Variants in MEGF6 observed in about 807,000 individuals in gnomAD.
MEGF6 encodes the protein multiple epidermal growth factor-like domains protein 6.
MEGF6 carries 184 observed loss-of-function variants against 207.1 expected under a neutral mutation model. The observed-to-expected ratio is 0.89, with a 90% CI of 0.79 to 1.00. The LOEUF (loss-of-function observed/expected upper bound fraction) is 1.00, where lower values mean the gene tolerates loss of function less well. Among genes scored for constraint, MEGF6 ranks in the 50% least tolerant of loss-of-function variants. The pLI is 0.00. For synonymous variants in MEGF6, 1,038 were observed against 910.0 expected, an observed-to-expected ratio of 1.14 and a Z score of -2.53; for missense variants, 2,282 against 2,202.9, an observed-to-expected ratio of 1.04 and a Z score of -0.72.
At position 3,506,092 on chromosome 1, in the gene MEGF6, G is replaced by A. The variant is rs1641105384; in HGVS notation, c.1918+16C>T. The A allele has an allele frequency of 6.3e-7, 1 of 1,580,632 alleles. No homozygotes were observed. The highest frequency in any genetic ancestry group is 8.6e-7 in the Non-Finnish European group (1 of 1,163,346). Reference sequence around the variant, plus strand: ...CTGCCACCACCATGGACACTGGAAGGGGCAGTGAGACTCACTGAGGTGGCA... The same window carrying A: ...CTGCCACCACCATGGACACTGGAAGAGGCAGTGAGACTCACTGAGGTGGCA... On this transcript the variant is annotated intron_variant, in intron 15 of 36. Coordinates refer to ENST00000356575, the MANE Select transcript of MEGF6 (RefSeq NM_001409.4).
intron 3 of MEGF6, among the ~76,000 whole-genome samples, chr1:3,581,122 A>G (rs1643787296): frequency 6.6e-6 from 1 of 152,114 alleles, no homozygotes; most frequent in Admixed American, 6.5e-5. Flanking sequence ...GTGAGCCATG[A>G]CCGGCTCGGG....
At chr1:3,503,215 C>T (rs544812658) in intron 17 of MEGF6, among the ~76,000 whole-genome samples, 81 of 152,292 alleles carry the variant, frequency 5.3e-4, no homozygotes, top group African/African-American at 1.8e-3. Context: ...GACACAGGCA[C>T]GTCCCTGGGA....
At position 3,492,700 on chromosome 1, in the gene MEGF6, G is replaced by C. The variant is rs781576350; in HGVS notation, c.4455C>G (p.Cys1485Trp). The stretch of plus-strand genomic sequence containing the variant: ...AGTGACACTGCCCACTGACAGGGTC[G>C]CAGTCAGCCCCACCCCCGCAGTCAC... ...LHCDCGGGAD[C>W]DPVSGQCHCV... Residue 1485 changes from cysteine (C) to tryptophan (W), a missense_variant, in exon 35 of 37, where the codon TGC becomes TGG. Coordinates refer to ENST00000356575, the MANE Select transcript of MEGF6 (RefSeq NM_001409.4). 6.2e-7 allele frequency: 1 copy of C among 1,612,630 alleles called. No individual in the cohort carries two copies. Among genetic ancestry groups the C allele is most frequent in the South Asian group, 1.1e-5 (1 of 91,086 alleles).
At chr1:3,607,294 C>A (rs1053340235) in intron 1 of MEGF6, among the ~76,000 whole-genome samples, 2 of 152,066 alleles carry the variant, frequency 1.3e-5, no homozygotes, top group South Asian at 4.1e-4. Context: ...GGCCCCTGCC[C>A]GCCTGGTGCG....
At chr1:3,492,877 T>C in intron 34 of MEGF6, 110 bp from the exon 35 acceptor site, 1 of 1,458,902 alleles carries the variant, frequency 6.9e-7, no homozygotes, top group Non-Finnish European at 9.2e-7. Flanking sequence ...AGTGAAGCCT[T>C]CTGCCTGGGT....
chr1:3,526,435 T>C (rs1641966226), intron 4 of MEGF6, among the ~76,000 whole-genome samples: 1 of 149,074 alleles, frequency 6.7e-6, no homozygotes, highest in Admixed American at 6.7e-5. Context: ...TCTCGCTCTG[T>C]CGCCCAGGCT....
intron 17 of MEGF6, 104 bp downstream of exon 17, chr1:3,505,104 G>T: frequency 6.8e-7 from 1 of 1,476,736 alleles, no homozygotes; most frequent in Non-Finnish European, 9.1e-7. Flanking sequence ...AAAGGGGGCC[G>T]ATAGTGACAG....
At chr1:3,531,816 C>A (rs1040195546) in intron 4 of MEGF6, among the ~76,000 whole-genome samples, 4 of 120,120 alleles carry the variant, frequency 3.3e-5, no homozygotes, top group Non-Finnish European at 7.2e-5. Context: ...GGCCGCGGGG[C>A]GGGGGAGGGG....
chr1:3,598,715 G>GCC (rs57753742), intron 2 of MEGF6, among the ~76,000 whole-genome samples: 3 of 124,520 alleles, frequency 2.4e-5, no homozygotes, highest in Admixed American at 7.9e-5. Context: ...ATGGTAACGA[G>GCC]CCCCCCCCCC....
intron 4 of MEGF6, among the ~76,000 whole-genome samples, chr1:3,557,649 C>T (rs772115348): frequency 2.6e-5 from 4 of 152,356 alleles, no homozygotes; most frequent in African/African-American, 7.2e-5. Flanking sequence ...GCTCATCCCT[C>T]GCTCACTCCC....
At chr1:3,491,126 G>A (rs1640341638) in intron 35 of MEGF6, among the ~76,000 whole-genome samples, 167 bp from the exon 36 acceptor site, 2 of 122,872 alleles carry the variant, frequency 1.6e-5, no homozygotes, top group Admixed American at 1.5e-4. Context: ...GGGGGCGGGA[G>A]CTGGGGGGGG....
At chr1:3,520,232 G>C (rs1641693393) in intron 5 of MEGF6, among the ~76,000 whole-genome samples, 2 of 152,230 alleles carry the variant, frequency 1.3e-5, no homozygotes, top group Admixed American at 1.3e-4. Context: ...CTAGGGTCCA[G>C]AGTCAGCCAG....
rs1226692932 is a variant in MEGF6 at position 3,499,834 on chromosome 1, G to A, written c.2798C>T (p.Thr933Ile). 10 of 1,553,782 alleles carry A rather than the reference G, an allele frequency of 6.4e-6. No homozygotes were observed. Among genetic ancestry groups the A allele is most frequent in the Non-Finnish European group, 8.7e-6 (10 of 1,149,512 alleles). ...AACDHVSGAC[T>I]CPAGWRGTFC... ...GGTGCCCCTCCAGCCGGCCGGGCAG[G>A]TGCAGGCCCCGCTGACGTGGTCACA... The change falls in exon 22 of 37, where the codon ACC (threonine) becomes ATC (isoleucine). Residue 933 changes from threonine to isoleucine, a missense_variant. Physicochemically the swap from Thr to Ile is moderately conservative, Grantham distance 89 (BLOSUM62 -1). Coordinates refer to ENST00000356575, the MANE Select transcript of MEGF6 (RefSeq NM_001409.4).
At chr1:3,612,730 GA>G (rs1023267284), upstream of MEGF6, among the ~76,000 whole-genome samples, 33 of 143,856 alleles carry the variant, frequency 2.3e-4, no homozygotes, top group African/African-American at 7.5e-4. Flanking sequence ...GGGAGCACTG[GA>G]GGGAGCCCTG....
Position 3,501,894 on chromosome 1 carries a change from T to G in MEGF6, c.2216A>C (p.Asn739Thr). 1 of 1,602,856 alleles carries G rather than the reference T, an allele frequency of 6.2e-7. No homozygotes were observed. The highest frequency in any genetic ancestry group is 8.5e-7 in the Non-Finnish European group (1 of 1,175,468). The change falls in exon 18 of 37, where the codon AAC (asparagine) becomes ACC (threonine). Residue 739 changes from asparagine (N) to threonine (T), a missense_variant. Physicochemically the swap from Asn to Thr is moderately conservative, Grantham distance 65. Coordinates refer to ENST00000356575, the MANE Select transcript of MEGF6 (RefSeq NM_001409.4). The part of the protein sequence containing the change: ...QECPVGTFGV[N>T]CSSSCSCGGA... ...CCCACAGGAGCAGGAGCTCGAGCAG[T>G]TCACGCCAAACGTCCCCACCGGGCA...
intron 3 of MEGF6, among the ~76,000 whole-genome samples, chr1:3,589,721 C>T (rs546645638): frequency 9.8e-5 from 15 of 152,342 alleles, no homozygotes; most frequent in Admixed American, 8.5e-4. Context: ...GGCTGGGCCT[C>T]CATGACCGTA....
At chr1:3,589,693 C>A (rs1420475405) in intron 3 of MEGF6, among the ~76,000 whole-genome samples, 1 of 152,386 alleles carries the variant, frequency 6.6e-6, no homozygotes, top group East Asian at 1.9e-4. Flanking sequence ...CTGCTACCCT[C>A]TGGGTCCTGA....
At chr1:3,516,979 C>T (rs1641564857) in intron 5 of MEGF6, among the ~76,000 whole-genome samples, 1 of 152,220 alleles carries the variant, frequency 6.6e-6, no homozygotes, top group South Asian at 2.1e-4. Flanking sequence ...ACTGCCCAGA[C>T]AAGATGGGAG....
At position 3,605,018 on chromosome 1, in the gene MEGF6, G is replaced by A. The variant is rs1644221284; in HGVS notation, c.132-2418C>T. 3.3e-5 allele frequency among the ~76,000 whole-genome samples: 5 copies of A among 151,832 alleles called. No individual in the cohort carries two copies. The South Asian group carries it at 1.0e-3, about 32-fold the overall frequency. ...GCTGTGACCCAAGGCTGACCTCTGT[G>A]GATCACATCCTCCCAGCACCTGCAC... On this transcript the variant is annotated intron_variant, in intron 1 of 36. Transcript: ENST00000356575.
Sources: allele counts gnomAD v4.1 joint callset (sites outside exome capture counted in the v4.1 genomes callset), GRCh38; gene constraint gnomAD v4.1.1; transcripts MANE v1.5; gene names NCBI Gene and HGNC (gene_info 2026-07-23, HGNC 2026-07-21).